Variants in ZNF721 observed in about 807,000 individuals in gnomAD.
ZNF721 encodes the protein zinc finger protein 721.
A neutral mutation model predicts 2.4 loss-of-function variants in ZNF721; 2 were observed. That is an observed-to-expected ratio of 0.82 (90% CI 0.34 to 2.58). ZNF721 has a LOEUF of 2.58. Among genes scored for constraint, ZNF721 ranks in the 30% most tolerant of loss-of-function variants. The pLI is 0.11. For missense variants in ZNF721, 1,187 were observed against 1,085.5 expected (o/e 1.09, Z -1.31); for synonymous variants, 398 against 381.8 (o/e 1.04, Z -0.50).
chr4:455,990 T>G (rs1047628862), intron 2 of ZNF721, among the ~76,000 whole-genome samples: 1 of 152,098 alleles, frequency 6.6e-6, no homozygotes, highest in Admixed American at 6.5e-5. Context: ...GGTGGTAATA[T>G]TCCACTGTTT....
chr4:478,177 T>G (rs1177381356), intron 1 of ZNF721, among the ~76,000 whole-genome samples: 1 of 152,218 alleles, frequency 6.6e-6, no homozygotes, highest in Non-Finnish European at 1.5e-5. Flanking sequence ...AATTGCCTCT[T>G]GGCTGAATTA....
rs781792632 is a variant in ZNF721, at chr4:444,186, G to A, written c.281C>T (p.Ala94Val). The A allele has an allele frequency of 1.9e-6, 3 of 1,613,660 alleles. No homozygotes were observed. The highest frequency in any genetic ancestry group is 2.5e-6 in the Non-Finnish European group (3 of 1,179,828). The change falls in exon 3 of 3, where the codon GCA (alanine) becomes GTA (valine). Residue 94 changes from alanine (A) to valine (V), a missense_variant. By Grantham distance (64) the Ala-to-Val change is moderately conservative (BLOSUM62 0). Transcript: ENST00000511833. ...TCTTGTCTTATCTTTGTTTGAATTT[G>A]CAAATTTACTAAAAACTTTGACACG... ...NARVKVFSKFANSNKDKTRHT... is the reference protein window; with the variant it reads ...NARVKVFSKFVNSNKDKTRHT...
rs782064817 is a variant in ZNF721 at position 442,604 on chromosome 4, G to C, written c.1863C>G (p.Asp621Glu). 6.2e-7 allele frequency: 1 copy of C among 1,613,762 alleles called. No homozygotes were observed. The highest frequency in any genetic ancestry group is 1.1e-5 in the South Asian group (1 of 91,052). The change falls in exon 3 of 3, where the codon GAC becomes GAG. Residue 621 changes from aspartate to glutamate, a missense_variant. By Grantham distance (45) the Asp-to-Glu change is conservative (BLOSUM62 2). Transcript: ENST00000511833. ...GATTCAGGTCCGTGTACCATACAAAGTCTTTGCCACACTCTTCACATTTGT... is the reference window on the plus strand; with the variant it reads ...GATTCAGGTCCGTGTACCATACAAACTCTTTGCCACACTCTTCACATTTGT... ...KLYKCEECGK[D>E]FVWYTDLNQQ...
intron 1 of ZNF721, among the ~76,000 whole-genome samples, chr4:492,019 G>A (rs1399420815): frequency 7.9e-5 from 12 of 151,508 alleles, no homozygotes; most frequent in South Asian, 2.1e-4. Flanking sequence ...AAAATTAGTC[G>A]GGCGTGGCCG....
intron 1 of ZNF721, among the ~76,000 whole-genome samples, chr4:491,392 T>A (rs1716020549): frequency 6.6e-6 from 1 of 152,214 alleles, no homozygotes; most frequent in Non-Finnish European, 1.5e-5. Context: ...CACTCCAGCC[T>A]GGGCAACAGA....
chr4:460,988 T>G, intron 2 of ZNF721, among the ~76,000 whole-genome samples: 1 of 152,150 alleles, frequency 6.6e-6, no homozygotes, highest in Non-Finnish European at 1.5e-5. Context: ...CAGGACCAGA[T>G]GGATTCACAG....
At chr4:485,884 A>C (rs1359979564) in intron 1 of ZNF721, among the ~76,000 whole-genome samples, 1 of 152,156 alleles carries the variant, frequency 6.6e-6, no homozygotes, top group Non-Finnish European at 1.5e-5. Context: ...CTGAGGCAGG[A>C]GAATTGCTTG....
intron 2 of ZNF721, among the ~76,000 whole-genome samples, chr4:461,540 A>G (rs1205084754): frequency 6.6e-6 from 1 of 152,210 alleles, no homozygotes; most frequent in African/African-American, 2.4e-5. Flanking sequence ...GAAAACTGGG[A>G]CAAGACAAGG....
At position 442,231 on chromosome 4, in the gene ZNF721, T is replaced by A; in HGVS notation, c.2236A>T (p.Ile746Phe). Reference protein sequence around the residue: ...WSTNLNEYKKIHTGDKLYKCK... With the variant: ...WSTNLNEYKKFHTGDKLYKCK... ...TTGTAGAGTTTATCTCCAGTATGAA[T>A]TTTCTTATATTCGTTCAGGTTTGTG... The change falls in exon 3 of 3, where the codon ATT becomes TTT. Residue 746 changes from isoleucine (I) to phenylalanine (F), a missense_variant. By Grantham distance (21) the Ile-to-Phe change is conservative. Transcript: ENST00000511833. 1.2e-6 allele frequency: 2 copies of A among 1,613,200 alleles called. No individual in the cohort carries two copies. Among genetic ancestry groups the A allele is most frequent in the Middle Eastern group, 3.3e-4 (2 of 6,062 alleles).
intron 1 of ZNF721, among the ~76,000 whole-genome samples, chr4:480,104 G>C (rs1416779632): frequency 1.3e-5 from 2 of 152,050 alleles, no homozygotes; most frequent in African/African-American, 4.8e-5. Context: ...AGTCAATGTG[G>C]GGCTGAATTA....
At position 447,317 on chromosome 4, in the gene ZNF721, G is replaced by A. The variant is rs539462964; in HGVS notation, c.35-2885C>T. On this transcript the variant is annotated intron_variant, in intron 2 of 2. Transcript: ENST00000511833. ...ATCCTGGGTGACTGAGCAAGACTCC[G>A]TCTCAAAATAAATAAATAAATAAAA... Among the ~76,000 whole-genome samples, 14 of 151,868 alleles carry A rather than the reference G, an allele frequency of 9.2e-5. No homozygotes were observed. In the East Asian group the frequency reaches 1.2e-3, roughly 13 times the overall value.
At chr4:464,276 G>C (rs1049366817) in intron 2 of ZNF721, among the ~76,000 whole-genome samples, 5 of 151,986 alleles carry the variant, frequency 3.3e-5, no homozygotes, top group African/African-American at 1.2e-4. Flanking sequence ...TTCAAGACCA[G>C]CCTGGCCAAC....
rs782477741 is a variant in ZNF721 at position 441,723 on chromosome 4, T to C, written c.2744A>G (p.His915Arg). ...CACTTGTATGGTTTTATCTCCAGTATGAATTTTCTTATGTGCATAAAGATT... is the reference window on the plus strand; with the variant it reads ...CACTTGTATGGTTTTATCTCCAGTACGAATTTTCTTATGTGCATAAAGATT... ...SANLYAHKKI[H>R]TGDKTIQV The change falls in exon 3 of 3, where the codon CAT becomes CGT. Residue 915 changes from histidine to arginine, a missense_variant. His to Arg is a conservative substitution (Grantham distance 29). Coordinates refer to ENST00000511833, the MANE Select transcript of ZNF721 (RefSeq NM_133474.4). The C allele has an allele frequency of 1.2e-6, 2 of 1,611,958 alleles. No homozygotes were observed. Among genetic ancestry groups the C allele is most frequent in the East Asian group, 2.2e-5 (1 of 44,846 alleles).
rs1046193026 is a variant in ZNF721 at position 466,927 on chromosome 4, G to C, written c.34+5648C>G. Among the ~76,000 whole-genome samples the C allele has an allele frequency of 2.0e-5, 3 of 152,154 alleles. No homozygotes were observed. The South Asian group carries it at 6.2e-4, about 31-fold the overall frequency. ...CTTCAACAGATGAATAATTTAAAAG[G>C]ATGCGGCTTGGCCGGGCGCGGTGGC... On this transcript the variant is annotated intron_variant, in intron 2 of 2. Coordinates refer to ENST00000511833, the MANE Select transcript of ZNF721 (RefSeq NM_133474.4).
intron 2 of ZNF721, among the ~76,000 whole-genome samples, chr4:455,343 G>A (rs1016118714): frequency 2.0e-5 from 3 of 152,110 alleles, no homozygotes; most frequent in Admixed American, 6.6e-5. Context: ...CGAGGCGGGC[G>A]GATCAGCTGA....
chr4:490,734 C>G (rs777523128), intron 1 of ZNF721, among the ~76,000 whole-genome samples: 2 of 152,130 alleles, frequency 1.3e-5, no homozygotes, highest in African/African-American at 4.8e-5. Flanking sequence ...TGTGTGTGCA[C>G]GTGTGCATGC....
chr4:469,713 G>C (rs782391602), intron 2 of ZNF721, among the ~76,000 whole-genome samples: 7 of 152,112 alleles, frequency 4.6e-5, no homozygotes, highest in South Asian at 2.1e-4. Flanking sequence ...TATGGCATGT[G>C]CATAAACACA....
chr4:444,057 T>A lies in ZNF721; in HGVS notation c.410A>T (p.Tyr137Phe), dbSNP rs1714384486. The A allele has an allele frequency of 6.2e-7, 1 of 1,613,868 alleles. No individual in the cohort carries two copies. The part of the protein sequence containing the change: ...HKGIHAGEKP[Y>F]TCEERGKDFG... Reference sequence around the variant, plus strand: ...GTCTTTGCCACGTTCTTCACAAGTGTAGGGTTTCTCTCCAGCATGAATTCC... The same window carrying A: ...GTCTTTGCCACGTTCTTCACAAGTGAAGGGTTTCTCTCCAGCATGAATTCC... The change falls in exon 3 of 3, where the codon TAC becomes TTC. Residue 137 changes from tyrosine (Y) to phenylalanine (F), a missense_variant. By Grantham distance (22) the Tyr-to-Phe change is conservative (BLOSUM62 3). Coordinates refer to ENST00000511833, the MANE Select transcript of ZNF721 (RefSeq NM_133474.4).
intron 1 of ZNF721, among the ~76,000 whole-genome samples, chr4:497,340 A>C (rs1560248792): frequency 6.6e-6 from 1 of 152,080 alleles, no homozygotes. Flanking sequence ...TTGGGCAATA[A>C]GGTGCCAAGC....
Sources: gnomAD v4.1 joint callset for allele counts (sites outside exome capture counted in the v4.1 genomes callset) on GRCh38, gnomAD v4.1.1 for gene constraint, MANE v1.5 for transcripts, NCBI Gene and HGNC (gene_info 2026-07-23, HGNC 2026-07-21) for gene names.